The following MACROD2 variants were observed in gnomAD, a reference collection of about 807,000 sequenced individuals.
MACROD2 encodes the protein ADP-ribose glycohydrolase MACROD2.
In MACROD2, 36 loss-of-function variants were observed where a neutral mutation model predicts 70.4. The ratio of observed to expected loss-of-function variants is 0.51; its 90% CI spans 0.39 to 0.68. MACROD2 has a LOEUF of 0.68. Ranked by LOEUF, MACROD2 falls within the 30% of genes least tolerant of loss-of-function variation. The pLI, the probability that MACROD2 is intolerant of heterozygous loss-of-function variation, is 0.00. For missense variants in MACROD2, 496 were observed against 538.4 expected (o/e 0.92, Z 0.78); for synonymous variants, 172 against 178.8 (o/e 0.96, Z 0.30).
intron 8 of MACROD2, among the ~76,000 whole-genome samples, chr20:15,616,024 A>G (rs1036109083): frequency 6.6e-6 from 1 of 152,160 alleles, no homozygotes; most frequent in African/African-American, 2.4e-5. Context: ...TGTTATGAGT[A>G]AAAGTGAGGG....
At chr20:15,524,029 CG>C (rs2047686983) in intron 8 of MACROD2, among the ~76,000 whole-genome samples, 1 of 152,104 alleles carries the variant, frequency 6.6e-6, no homozygotes, top group Non-Finnish European at 1.5e-5. Flanking sequence ...GTACCTCGCC[CG>C]GGCTCACACT....
intron 3 of MACROD2, among the ~76,000 whole-genome samples, chr20:14,475,885 G>A (rs1260479261): frequency 6.6e-6 from 1 of 151,850 alleles, no homozygotes; most frequent in Non-Finnish European, 1.5e-5. Flanking sequence ...GAGTCTTGGG[G>A]TAGTGTTATT....
At chr20:14,432,178 C>T (rs949877058) in intron 3 of MACROD2, among the ~76,000 whole-genome samples, 1 of 152,124 alleles carries the variant, frequency 6.6e-6, no homozygotes, top group South Asian at 2.1e-4. Flanking sequence ...TTGCTCTAGC[C>T]ATGCTGTTCC....
At chr20:14,593,505 AT>A (rs1366886453) in intron 4 of MACROD2, among the ~76,000 whole-genome samples, 8 of 152,202 alleles carry the variant, frequency 5.3e-5, no homozygotes. Flanking sequence ...AAAGCTAAGA[AT>A]AACTAGGATT....
chr20:15,126,336 C>A (rs940131594), intron 5 of MACROD2, among the ~76,000 whole-genome samples: 2 of 151,906 alleles, frequency 1.3e-5, no homozygotes, highest in Admixed American at 6.6e-5. Flanking sequence ...AATTTGCCCG[C>A]ATGGTTGCCA....
intron 2 of MACROD2, among the ~76,000 whole-genome samples, chr20:14,015,215 T>G (rs2052970732): frequency 1.3e-5 from 2 of 152,206 alleles, no homozygotes; most frequent in South Asian, 4.1e-4. Context: ...TTCAGTTTAG[T>G]GACATTGAGT....
At chr20:15,058,449 TTG>T (rs543104874) in intron 5 of MACROD2, among the ~76,000 whole-genome samples, 99 of 152,274 alleles carry the variant, frequency 6.5e-4, no homozygotes, top group African/African-American at 2.3e-3. Context: ...ATAAATAATA[TTG>T]TCTTAGCATA....
At chr20:15,525,955 A>T (rs1471601362) in intron 8 of MACROD2, among the ~76,000 whole-genome samples, 1 of 152,264 alleles carries the variant, frequency 6.6e-6, no homozygotes, top group Non-Finnish European at 1.5e-5. Flanking sequence ...TTCTTGGGAC[A>T]AATTAATATT....
intron 6 of MACROD2, among the ~76,000 whole-genome samples, chr20:15,417,283 G>A (rs6110594): frequency 0.01 from 1,580 of 151,984 alleles, 26 homozygotes; most frequent in African/African-American, 0.036. Context: ...AATGGATAGA[G>A]TAATGGTTCG....
chr20:16,037,894 A>G (rs2067256214), intron 15 of MACROD2, among the ~76,000 whole-genome samples: 1 of 151,952 alleles, frequency 6.6e-6, no homozygotes, highest in African/African-American at 2.4e-5. Context: ...ATTTTGCATA[A>G]TGATGTGAAG....
At chr20:14,149,372 G>A (rs993916337) in intron 3 of MACROD2, among the ~76,000 whole-genome samples, 7 of 151,958 alleles carry the variant, frequency 4.6e-5, no homozygotes, top group African/African-American at 1.7e-4. Context: ...TGGTATATAT[G>A]TACCACATTT....
Position 15,875,318 on chromosome 20 carries a change from C to T in MACROD2, c.728-10446C>T, listed in dbSNP as rs1054702396. Among the ~76,000 whole-genome samples, 11 of 152,020 alleles carry T rather than the reference C, an allele frequency of 7.2e-5. No individual in the cohort carries two copies. In the South Asian group the frequency reaches 1.7e-3, roughly 23 times the overall value. ...TTACTCAGTCTGAATTGTACATTTTCCCCCCAAATGATACATTCAATGTAG... is the reference window on the plus strand; with the variant it reads ...TTACTCAGTCTGAATTGTACATTTTTCCCCCAAATGATACATTCAATGTAG... On this transcript the variant is annotated intron_variant, in intron 9 of 17. Coordinates refer to ENST00000684519, the MANE Select transcript of MACROD2 (RefSeq NM_001351661.2).
intron 6 of MACROD2, among the ~76,000 whole-genome samples, chr20:15,353,533 C>T (rs938202953): frequency 4.6e-5 from 7 of 152,018 alleles, no homozygotes; most frequent in African/African-American, 1.7e-4. Context: ...AGCTTCTGCA[C>T]AGCAAAAGAA....
intron 8 of MACROD2, among the ~76,000 whole-genome samples, chr20:15,740,044 G>T (rs6079953): frequency 6.6e-6 from 1 of 152,186 alleles, no homozygotes; most frequent in Non-Finnish European, 1.5e-5. Context: ...GTCTACTTCA[G>T]GTCACATTCC....
intron 8 of MACROD2, among the ~76,000 whole-genome samples, chr20:15,750,854 C>T (rs2051258048): frequency 6.6e-6 from 1 of 151,664 alleles, no homozygotes; most frequent in Non-Finnish European, 1.5e-5. Context: ...AGAACAAATA[C>T]CTCATCTGTG....
chr20:15,127,262 A>T (rs1241976346), intron 5 of MACROD2, among the ~76,000 whole-genome samples: 2 of 152,108 alleles, frequency 1.3e-5, no homozygotes, highest in African/African-American at 2.4e-5. Context: ...TGCTAGAAAG[A>T]AGACAGTAAA....
chr20:15,932,541 A>T (rs928509038), intron 10 of MACROD2, among the ~76,000 whole-genome samples: 2 of 152,140 alleles, frequency 1.3e-5, no homozygotes, highest in Non-Finnish European at 2.9e-5. Flanking sequence ...GTATAAATTC[A>T]TCATTTTTAT....
intron 3 of MACROD2, among the ~76,000 whole-genome samples, chr20:14,439,985 G>A (rs1238821320): frequency 6.6e-6 from 1 of 152,056 alleles, no homozygotes; most frequent in African/African-American, 2.4e-5. Context: ...CAAACAAGAG[G>A]CCACAGTAAT....
intron 4 of MACROD2, chr20:14,566,788 T>C (rs1197149446): frequency 6.6e-6 from 1 of 151,984 alleles, no homozygotes; most frequent in Non-Finnish European, 1.5e-5. Context: ...TCTAAAGGGC[T>C]ATTTTCCAGG....
Sources: allele counts gnomAD v4.1 joint callset (sites outside exome capture counted in the v4.1 genomes callset), GRCh38; gene constraint gnomAD v4.1.1; transcripts MANE v1.5; gene names NCBI Gene and HGNC (gene_info 2026-07-23, HGNC 2026-07-21).